ST7: variants seen among roughly 807,000 people sequenced by gnomAD.
ST7 encodes suppression of tumorigenicity 7.
Under a neutral mutation model 78.7 loss-of-function variants are expected in ST7, and 28 were observed. The ratio of observed to expected loss-of-function variants is 0.36; its 90% CI spans 0.26 to 0.49. The LOEUF (loss-of-function observed/expected upper bound fraction) is 0.49, where lower values mean the gene tolerates loss of function less well. Among genes scored for constraint, ST7 ranks in the 20% least tolerant of loss-of-function variants. ST7 has a pLI of 0.99. For missense variants in ST7, 418 were observed against 696.0 expected, an observed-to-expected ratio of 0.60 and a Z score of 4.49; for synonymous variants, 247 against 249.6, an observed-to-expected ratio of 0.99 and a Z score of 0.10.
intron 9 of ST7, among the ~76,000 whole-genome samples, chr7:117,155,608 C>T (rs1356407483): frequency 6.6e-6 from 1 of 152,116 alleles, no homozygotes; most frequent in Non-Finnish European, 1.5e-5. Context: ...GTTCATAGGC[C>T]TCCCCTTGGT....
chr7:117,066,950 C>T (rs959601779), intron 1 of ST7, among the ~76,000 whole-genome samples: 1 of 151,952 alleles, frequency 6.6e-6, no homozygotes. Flanking sequence ...TACTTTCTGT[C>T]TCTGTGGATT....
chr7:117,062,025 C>T (rs1245400889), intron 1 of ST7, among the ~76,000 whole-genome samples: 1 of 152,160 alleles, frequency 6.6e-6, no homozygotes, highest in Non-Finnish European at 1.5e-5. Context: ...GATCAAGATG[C>T]CAGCTGACTT....
At chr7:117,204,575 T>C in intron 12 of ST7, among the ~76,000 whole-genome samples, 1 of 152,194 alleles carries the variant, frequency 6.6e-6, no homozygotes, top group Non-Finnish European at 1.5e-5. Flanking sequence ...TTGCAGTGTT[T>C]TTTTTGTCCT....
chr7:117,048,001 C>T (rs1009121931), intron 1 of ST7, among the ~76,000 whole-genome samples: 6 of 152,074 alleles, frequency 3.9e-5, no homozygotes, highest in Non-Finnish European at 5.9e-5. Context: ...CTACTGATAA[C>T]CTAAATGGTC....
intron 9 of ST7, among the ~76,000 whole-genome samples, chr7:117,147,216 T>C (rs1805863852): frequency 6.6e-6 from 1 of 152,178 alleles, no homozygotes. Flanking sequence ...TCTATTTTAC[T>C]TAACCTTTCC....
chr7:117,130,439 G>T, intron 4 of ST7, 52 bp from the exon 5 acceptor site: 2 of 1,321,982 alleles, frequency 1.5e-6, no homozygotes, highest in Non-Finnish European at 2.2e-6. Context: ...TATTTTATAG[G>T]TCTTGCTTTT....
intron 1 of ST7, among the ~76,000 whole-genome samples, chr7:117,028,164 G>A (rs1796302447): frequency 2.0e-5 from 3 of 152,044 alleles, no homozygotes; most frequent in Admixed American, 2.0e-4. Flanking sequence ...CTGATAATTT[G>A]CCATGTACTG....
intron 1 of ST7, among the ~76,000 whole-genome samples, chr7:117,023,446 C>T (rs1375561432): frequency 6.6e-6 from 1 of 152,184 alleles, no homozygotes; most frequent in African/African-American, 2.4e-5. Context: ...ATCTGAATCT[C>T]CCACAGTTGT....
chr7:117,184,876 A>G (rs73211938), intron 10 of ST7, among the ~76,000 whole-genome samples: 21,304 of 152,132 alleles, frequency 0.14, 1,589 homozygotes, highest in Non-Finnish European at 0.16. Context: ...CCGTTGGGAG[A>G]AGCTGAGTGA....
intron 1 of ST7, among the ~76,000 whole-genome samples, chr7:116,956,253 C>T (rs947275277): frequency 6.6e-5 from 10 of 152,234 alleles, no homozygotes; most frequent in African/African-American, 2.2e-4. Flanking sequence ...CAATTCCCCT[C>T]CCCTTTGGGA....
Position 117,134,115 on chromosome 7 carries a change from C to G in ST7, c.642-9C>G, listed in dbSNP as rs1177770701. On this transcript the variant is annotated splice_polypyrimidine_tract_variant and intron_variant, in intron 6 of 15. Coordinates refer to ENST00000323984, the MANE Select transcript of ST7 (RefSeq NM_001369598.1). ...TCATTTTACCAACTATTTTTTTCTT[C>G]TTGGTCAGAATTAGGTCCAGAGTTG... is the stretch of plus-strand genomic sequence containing the variant. 1.2e-6 allele frequency: 2 copies of G among 1,609,578 alleles called. No individual in the cohort carries two copies. The highest frequency in any genetic ancestry group is 2.2e-5 in the East Asian group (1 of 44,760).
At chr7:117,133,203 G>T (rs900069340) in intron 6 of ST7, among the ~76,000 whole-genome samples, 4 of 151,866 alleles carry the variant, frequency 2.6e-5, no homozygotes, top group Non-Finnish European at 5.9e-5. Flanking sequence ...TGGGAAGTCT[G>T]CCTTCTTCCC....
chr7:117,142,333 C>G (rs1805389507), intron 9 of ST7, among the ~76,000 whole-genome samples: 2 of 152,076 alleles, frequency 1.3e-5, no homozygotes, highest in South Asian at 2.1e-4. Flanking sequence ...GTCATTCGGT[C>G]TAGAGCAGGA....
chr7:117,055,093 A>C (rs1277455459), intron 1 of ST7, among the ~76,000 whole-genome samples: 1 of 152,190 alleles, frequency 6.6e-6, no homozygotes, highest in African/African-American at 2.4e-5. Context: ...AATTACTAAA[A>C]AGTAATTCAC....
At chr7:117,103,288 T>C (rs1000608915) in intron 2 of ST7, among the ~76,000 whole-genome samples, 1 of 152,172 alleles carries the variant, frequency 6.6e-6, no homozygotes, top group African/African-American at 2.4e-5. Context: ...AGACCCTGAA[T>C]AGCCAGAGCA....
At position 117,071,076 on chromosome 7, in the gene ST7, G is replaced by A. The variant is rs531841821; in HGVS notation, c.152-28686G>A. Reference sequence around the variant, plus strand: ...CTACTAAAAACACAAAAAATTAGCCGGGCGTGGTGGCGGGCGCCTGTAGTC... The same window carrying A: ...CTACTAAAAACACAAAAAATTAGCCAGGCGTGGTGGCGGGCGCCTGTAGTC... On this transcript the variant is annotated intron_variant, in intron 1 of 15. Transcript: ENST00000323984. Among the ~76,000 whole-genome samples the A allele has an allele frequency of 4.6e-5, 7 of 151,934 alleles. No individual in the cohort carries two copies. The South Asian group carries it at 1.5e-3, about 32-fold the overall frequency.
intron 1 of ST7, chr7:117,090,719 T>A (rs1045286585): frequency 6.0e-6 from 1 of 167,112 alleles, no homozygotes; most frequent in Non-Finnish European, 1.5e-5. Context: ...TAATAAGACT[T>A]ACTTAGGTCT....
intron 1 of ST7, among the ~76,000 whole-genome samples, chr7:117,055,736 T>C (rs535085872): frequency 1.4e-4 from 21 of 152,368 alleles, no homozygotes; most frequent in African/African-American, 4.8e-4. Flanking sequence ...TTTCTGGTAC[T>C]ATTGCTTCTT....
chr7:117,205,408 T>G (rs1397565561), intron 12 of ST7, among the ~76,000 whole-genome samples: 12 of 152,226 alleles, frequency 7.9e-5, no homozygotes, highest in Admixed American at 7.2e-4. Context: ...TGTTTATTTA[T>G]ACTTTTGCTA....
Sources: allele counts gnomAD v4.1 joint callset (sites outside exome capture counted in the v4.1 genomes callset), GRCh38; gene constraint gnomAD v4.1.1; transcripts MANE v1.5; gene names NCBI Gene and HGNC (gene_info 2026-07-23, HGNC 2026-07-21).